BCL7C: variants seen among roughly 807,000 people sequenced by gnomAD.
The protein encoded by BCL7C is BAF chromatin remodeling complex subunit BCL7C.
In BCL7C, 8 loss-of-function variants were observed where a neutral mutation model predicts 26.2. The observed-to-expected ratio is 0.30, with a 90% CI of 0.18 to 0.55. The LOEUF (loss-of-function observed/expected upper bound fraction) is 0.55. BCL7C is among the 20% of genes least tolerant of loss of function. BCL7C has a pLI of 0.93. For synonymous variants in BCL7C, 90 were observed against 116.5 expected (o/e 0.77, Z 1.47); for missense variants, 262 against 298.5 (o/e 0.88, Z 0.90).
chr16:30,878,382 TA>T (rs1567319179), intron 5 of BCL7C, among the ~76,000 whole-genome samples: 1 of 123,332 alleles, frequency 8.1e-6, no homozygotes, highest in Admixed American at 9.6e-5. Context: ...TAAAAAAATT[TA>T]AAAAAATTAG....
downstream of BCL7C, among the ~76,000 whole-genome samples, chr16:30,882,940 G>A (rs1431295487): frequency 6.6e-6 from 1 of 152,210 alleles, no homozygotes; most frequent in Non-Finnish European, 1.5e-5. Flanking sequence ...TCCTGGGATG[G>A]TAGGAATAGG....
rs557455166 is a variant in BCL7C at position 30,888,450 on chromosome 16, C to T, written c.528+410G>A. ...CTCCCGGGTTCAAGCAATTCTCCTG[C>T]CTTAGCCTCCCGAGTAGCTGGGACT... On this transcript the variant is annotated intron_variant, in intron 5 of 5. Coordinates refer to ENST00000215115, the MANE Select transcript of BCL7C (RefSeq NM_004765.4). Among the ~76,000 whole-genome samples, 3 of 152,188 alleles carry T rather than the reference C, an allele frequency of 2.0e-5. 1 individual carries two copies. In the South Asian group the frequency reaches 6.2e-4, roughly 32 times the overall value.
chr16:30,892,878 G>A lies in BCL7C; in HGVS notation c.242C>T (p.Pro81Leu). The part of the protein sequence containing the change: ...GRERRGRGAS[P>L]RGGGPLILLD... ...CAGGATGAGAGGGCCACCCCCTCGGGGACTGGCGCCCCTGCCCCGACGTTC... is the reference window on the plus strand; with the variant it reads ...CAGGATGAGAGGGCCACCCCCTCGGAGACTGGCGCCCCTGCCCCGACGTTC... Residue 81 changes from proline (P) to leucine (L), a missense_variant, in exon 3 of 6, where the codon CCC (proline) becomes CTC (leucine). By Grantham distance (98) the Pro-to-Leu change is moderately conservative. Transcript: ENST00000215115. The A allele has an allele frequency of 6.2e-7, 1 of 1,612,968 alleles. No individual in the cohort carries two copies. The highest frequency in any genetic ancestry group is 8.5e-7 in the Non-Finnish European group (1 of 1,179,992).
intron 5 of BCL7C, among the ~76,000 whole-genome samples, chr16:30,841,582 A>G (rs1290305909): frequency 6.6e-6 from 1 of 152,166 alleles, no homozygotes; most frequent in Non-Finnish European, 1.5e-5. Context: ...TGAACCAAAC[A>G]GCTGACTGAC....
At chr16:30,846,488 AAG>A (rs2054636647) in intron 5 of BCL7C, among the ~76,000 whole-genome samples, 1 of 151,920 alleles carries the variant, frequency 6.6e-6, no homozygotes, top group South Asian at 2.1e-4. Flanking sequence ...AGGCCTCCCA[AAG>A]TTCTGGGATT....
chr16:30,843,021 T>C (rs2054612057), intron 5 of BCL7C, among the ~76,000 whole-genome samples: 1 of 152,230 alleles, frequency 6.6e-6, no homozygotes, highest in Middle Eastern at 3.2e-3. Flanking sequence ...AACTTCCTTG[T>C]CACCAATCCT....
intron 5 of BCL7C, among the ~76,000 whole-genome samples, chr16:30,842,376 C>T (rs926686284): frequency 6.6e-6 from 1 of 152,162 alleles, no homozygotes; most frequent in African/African-American, 2.4e-5. Flanking sequence ...TTATGGTATA[C>T]CTAGCTAAAG....
chr16:30,860,864 T>G (rs2054765448), intron 5 of BCL7C, among the ~76,000 whole-genome samples: 1 of 152,096 alleles, frequency 6.6e-6, no homozygotes, highest in Non-Finnish European at 1.5e-5. Context: ...AGGCTGCTCC[T>G]TGTCAGGCCA....
intron 5 of BCL7C, among the ~76,000 whole-genome samples, chr16:30,865,575 A>T (rs981403599): frequency 1.3e-5 from 2 of 152,080 alleles, no homozygotes; most frequent in African/African-American, 4.8e-5. Context: ...GAGATCTTGT[A>T]TCTTTAAAAA....
exon 6 of BCL7C, chr16:30,835,106 C>G (rs942202047): frequency 6.5e-6 from 10 of 1,536,276 alleles, no homozygotes; most frequent in Non-Finnish European, 8.8e-6. Context: ...GTCTTCAGCC[C>G]CTTCTCGTGA....
At chr16:30,875,311 C>A (rs931223200) in intron 5 of BCL7C, 3 of 154,232 alleles carry the variant, frequency 1.9e-5, no homozygotes, top group Middle Eastern at 6.0e-4. Flanking sequence ...CAGCCCTGCG[C>A]ACTGCTGAGG....
chr16:30,870,814 T>C lies in BCL7C; in HGVS notation c.528+18046A>G, dbSNP rs561273223. On this transcript the variant is annotated intron_variant, in intron 5 of 5. Coordinates refer to the BCL7C transcript ENST00000380317. ...CCTTACATGACTCTCAACTCCAGAA[T>C]GTCCCTAAGGAGTGGCCAGAGCAGT... Among the ~76,000 whole-genome samples, 3 of 152,290 alleles carry C rather than the reference T, an allele frequency of 2.0e-5. No individual in the cohort carries two copies. The South Asian group carries it at 6.2e-4, about 32-fold the overall frequency.
At chr16:30,869,618 C>G (rs148608859) in intron 5 of BCL7C, among the ~76,000 whole-genome samples, 67 of 152,022 alleles carry the variant, frequency 4.4e-4, no homozygotes, top group African/African-American at 1.6e-3. Flanking sequence ...CTCAAGGCAT[C>G]CTCCTGCCTT....
chr16:30,846,329 G>C (rs941561312), intron 5 of BCL7C, among the ~76,000 whole-genome samples: 16 of 151,214 alleles, frequency 1.1e-4, no homozygotes, highest in African/African-American at 3.9e-4. Flanking sequence ...GGGTTTAAGA[G>C]ATTCTCCTGC....
downstream of BCL7C, among the ~76,000 whole-genome samples, chr16:30,884,318 G>A (rs2055092618): frequency 6.6e-6 from 1 of 151,898 alleles, no homozygotes; most frequent in Admixed American, 6.6e-5. Flanking sequence ...CAGCCTCAGG[G>A]ACAGGAGAGT....
chr16:30,888,855 C>G lies in BCL7C; in HGVS notation c.528+5G>C. 6.2e-7 allele frequency: 1 copy of G among 1,613,990 alleles called. No homozygotes were observed. The highest frequency in any genetic ancestry group is 1.1e-5 in the South Asian group (1 of 91,060). On this transcript the variant is annotated splice_donor_5th_base_variant and intron_variant, in intron 5 of 5. Transcript: ENST00000215115. ...CCAGGAGTCCAGCCTTCTGGCCTCT[C>G]TCACCTCAGCTTCCAGCAGTTCTGG...
chr16:30,846,709 T>C (rs930154351), intron 5 of BCL7C, among the ~76,000 whole-genome samples: 1 of 152,202 alleles, frequency 6.6e-6, no homozygotes, highest in Admixed American at 6.6e-5. Context: ...TTAACTGATA[T>C]AATAAGTGGC....
chr16:30,846,632 T>C (rs2151361597), intron 5 of BCL7C, among the ~76,000 whole-genome samples: 1 of 152,348 alleles, frequency 6.6e-6, no homozygotes, highest in Non-Finnish European at 1.5e-5. Flanking sequence ...TTCCCTATCA[T>C]TCCAATCCCC....
intron 5 of BCL7C, among the ~76,000 whole-genome samples, chr16:30,863,055 GC>G (rs900446059): frequency 6.6e-6 from 1 of 151,698 alleles, no homozygotes; most frequent in Non-Finnish European, 1.5e-5. Context: ...TTTTAGGCTG[GC>G]CCCCCCACAT....
Sources: allele counts gnomAD v4.1 joint callset (sites outside exome capture counted in the v4.1 genomes callset), GRCh38; gene constraint gnomAD v4.1.1; transcripts MANE v1.5; gene names NCBI Gene and HGNC (gene_info 2026-07-23, HGNC 2026-07-21).